The following ZFHX3 variants were observed in gnomAD, a reference collection of about 807,000 sequenced individuals.
The protein encoded by ZFHX3 is zinc finger homeobox protein 3.
ZFHX3 carries 42 observed loss-of-function variants against 279.1 expected under a neutral mutation model. The observed-to-expected ratio is 0.15, with a 90% CI of 0.12 to 0.19. The LOEUF (loss-of-function observed/expected upper bound fraction) is 0.19. Among genes scored for constraint, ZFHX3 ranks in the 10% least tolerant of loss-of-function variants. The pLI, the probability that ZFHX3 is intolerant of heterozygous loss-of-function variation, is 1.00. For missense variants in ZFHX3, 4,981 were observed against 4,754.0 expected, an observed-to-expected ratio of 1.05 and a Z score of -1.40; for synonymous variants, 2,293 against 1,957.8, an observed-to-expected ratio of 1.17 and a Z score of -4.52.
At chr16:73,207,997 C>G (rs2144906961) in intron 5 of ZFHX3, among the ~76,000 whole-genome samples, 1 of 152,276 alleles carries the variant, frequency 6.6e-6, no homozygotes, top group African/African-American at 2.4e-5. Flanking sequence ...TCCTCCAGAA[C>G]ATTCTCTGCA....
intron 1 of ZFHX3, among the ~76,000 whole-genome samples, chr16:72,976,177 CCT>C (rs1962336722): frequency 6.6e-6 from 1 of 152,276 alleles, no homozygotes; most frequent in Admixed American, 6.5e-5. Context: ...GAAGCTGCAC[CCT>C]CTCTCCTTTC....
rs557759192 is a variant in ZFHX3, at chr16:72,872,820, TG to T, written c.3448+16910del. Among the ~76,000 whole-genome samples the T allele has an allele frequency of 1.2e-3, 179 of 152,108 alleles. 1 individual carries two copies. In the South Asian group the frequency reaches 0.022, roughly 19 times the overall value. On this transcript the variant is annotated intron_variant, in intron 4 of 9. Coordinates refer to ENST00000268489, the MANE Select transcript of ZFHX3 (RefSeq NM_006885.4). Reference sequence around the variant, plus strand: ...CACCTACACGCCTTTCAAAAGATGGTGGGGGGTGGGGGATGGGCAAAACTAG... The same window carrying T: ...CACCTACACGCCTTTCAAAAGATGGTGGGGGTGGGGGATGGGCAAAACTAG...
At chr16:73,664,269 A>C (rs2052813360) in intron 2 of ZFHX3, among the ~76,000 whole-genome samples, 1 of 152,180 alleles carries the variant, frequency 6.6e-6, no homozygotes, top group Non-Finnish European at 1.5e-5. Context: ...GAGATGGGCT[A>C]GCACTATTTA....
intron 3 of ZFHX3, among the ~76,000 whole-genome samples, chr16:73,361,076 T>G (rs1316155244): frequency 6.6e-6 from 1 of 152,236 alleles, no homozygotes; most frequent in Non-Finnish European, 1.5e-5. Context: ...CATCAAAGCC[T>G]GGAAAGTGTC....
intron 2 of ZFHX3, among the ~76,000 whole-genome samples, chr16:73,644,810 C>G (rs1433258532): frequency 6.6e-6 from 1 of 152,130 alleles, no homozygotes; most frequent in Admixed American, 6.5e-5. Context: ...TCTGTGTGTT[C>G]TGCGGCACCT....
At chr16:73,402,135 G>C (rs1276279847) in intron 3 of ZFHX3, 2 of 152,154 alleles carry the variant, frequency 1.3e-5, no homozygotes, top group East Asian at 3.9e-4. Context: ...TTTCAAGACT[G>C]GGTTATCTTT....
intron 3 of ZFHX3, among the ~76,000 whole-genome samples, chr16:73,391,173 G>C (rs1055788833): frequency 6.6e-6 from 1 of 152,168 alleles, no homozygotes; most frequent in African/African-American, 2.4e-5. Flanking sequence ...TGTCCAGTGA[G>C]TCATTAAGAC....
chr16:73,090,479 C>A (rs1966059848), intron 8 of ZFHX3, among the ~76,000 whole-genome samples: 1 of 152,160 alleles, frequency 6.6e-6, no homozygotes, highest in South Asian at 2.1e-4. Context: ...GCTCAGGGAC[C>A]ATTTGTTTAA....
At chr16:72,843,472 C>T (rs958723910) in intron 4 of ZFHX3, among the ~76,000 whole-genome samples, 1 of 145,110 alleles carries the variant, frequency 6.9e-6, no homozygotes, top group African/African-American at 2.6e-5. Context: ...GATCCCGCCA[C>T]TGCACTCCAT....
intron 3 of ZFHX3, among the ~76,000 whole-genome samples, chr16:73,386,148 C>A (rs904734921): frequency 6.6e-6 from 1 of 152,126 alleles, no homozygotes; most frequent in South Asian, 2.1e-4. Flanking sequence ...CCTAAAGTAA[C>A]CAATGCTCAC....
At chr16:73,538,924 GTCAAA>G (rs1271706721) in intron 2 of ZFHX3, among the ~76,000 whole-genome samples, 2 of 152,146 alleles carry the variant, frequency 1.3e-5, no homozygotes, top group African/African-American at 4.8e-5. Context: ...AAAAGCATTA[GTCAAA>G]TCCAAAGTCT....
intron 5 of ZFHX3, among the ~76,000 whole-genome samples, chr16:73,252,065 A>G (rs2013526095): frequency 6.6e-6 from 1 of 152,178 alleles, no homozygotes; most frequent in Admixed American, 6.5e-5. Flanking sequence ...GGAATTAGCC[A>G]GTCAGTAATA....
At position 72,794,911 on chromosome 16, in the gene ZFHX3, C is replaced by T; in HGVS notation, c.7771G>A (p.Gly2591Arg). ...NPLLASQLLS[G>R]AIPQIPASSA... ...CTTGCTGGAATCTGAGGTATGGCCC[C>T]AGAGAGCAGCTGGCTGGCCAGGAGT... is the stretch of plus-strand genomic sequence containing the variant. The change falls in exon 9 of 10, where the codon GGG becomes AGG. Residue 2591 changes from glycine to arginine, a missense_variant. Gly to Arg is a moderately radical substitution (Grantham distance 125). Coordinates refer to ENST00000268489, the MANE Select transcript of ZFHX3 (RefSeq NM_006885.4). This position sits in a 1 kb window ranked among gnomAD's most constrained non-coding sequence, Gnocchi z 4.2. 2 of 1,614,066 alleles carry T rather than the reference C, an allele frequency of 1.2e-6. No individual in the cohort carries two copies. Among genetic ancestry groups the T allele is most frequent in the Non-Finnish European group, 1.7e-6 (2 of 1,180,024 alleles).
At chr16:73,629,188 C>G (rs1289160827) in intron 2 of ZFHX3, among the ~76,000 whole-genome samples, 1 of 152,160 alleles carries the variant, frequency 6.6e-6, no homozygotes, top group Non-Finnish European at 1.5e-5. Context: ...GCCGCTGATA[C>G]GTAAATACTC....
At chr16:73,723,680 TTCTC>T (rs1205992372) in intron 1 of ZFHX3, among the ~76,000 whole-genome samples, 1 of 152,252 alleles carries the variant, frequency 6.6e-6, no homozygotes, top group Non-Finnish European at 1.5e-5. Flanking sequence ...AAAAATATAT[TTCTC>T]TCATGTGTGA....
chr16:73,361,860 G>A (rs554545670), intron 3 of ZFHX3, among the ~76,000 whole-genome samples: 68 of 152,244 alleles, frequency 4.5e-4, no homozygotes, highest in African/African-American at 1.1e-3. Context: ...CCCATAACAC[G>A]TGGTACAGTT....
chr16:73,623,593 A>T (rs1000543179), intron 2 of ZFHX3, among the ~76,000 whole-genome samples: 4 of 152,206 alleles, frequency 2.6e-5, no homozygotes, highest in African/African-American at 9.6e-5. Flanking sequence ...CCTAAAATGG[A>T]GGTAATAGGT....
chr16:73,312,532 A>T (rs1407583615), intron 4 of ZFHX3, among the ~76,000 whole-genome samples: 1 of 152,202 alleles, frequency 6.6e-6, no homozygotes, highest in Non-Finnish European at 1.5e-5. Flanking sequence ...AAAATGAGAG[A>T]GCAGCGATGC....
At position 73,850,831 on chromosome 16, in the gene ZFHX3, G is replaced by A. The variant is rs1445169861; in HGVS notation, c.-1608+40820C>T. Among the ~76,000 whole-genome samples the A allele has an allele frequency of 4.6e-5, 7 of 152,134 alleles. No individual in the cohort carries two copies. The East Asian group carries it at 1.4e-3, about 29-fold the overall frequency. On this transcript the variant is annotated intron_variant, in intron 1 of 17. Coordinates refer to the ZFHX3 transcript ENST00000641206. ...ACATGAGCAGCTGCTTCCTCAGGGT[G>A]AAGGGTACCTAACCAGTAAAAGAGA...
Sources: gnomAD v4.1 joint callset for allele counts (sites outside exome capture counted in the v4.1 genomes callset) on GRCh38, gnomAD v4.1.1 for gene constraint, Gnocchi (gnomAD v3.1) non-coding constraint, MANE v1.5 for transcripts, NCBI Gene and HGNC (gene_info 2026-07-23, HGNC 2026-07-21) for gene names.